SAMMSON: variants seen among roughly 807,000 people sequenced by gnomAD.
SAMMSON encodes long intergenic non-protein coding RNA 1212.
At chr3:70,216,931 C>A (rs1701417207) in intron 4 of SAMMSON, among the ~76,000 whole-genome samples, 1 of 152,138 alleles carries the variant, frequency 6.6e-6, no homozygotes, top group Admixed American at 6.6e-5. Flanking sequence ...CCCTCACCAC[C>A]AAAACCCATA....
At chr3:70,032,615 A>T (rs1290270731) in intron 3 of SAMMSON, among the ~76,000 whole-genome samples, 1 of 152,196 alleles carries the variant, frequency 6.6e-6, no homozygotes, top group Non-Finnish European at 1.5e-5. Context: ...ATATCCTTTT[A>T]TCTGTGTTCA....
intron 4 of SAMMSON, among the ~76,000 whole-genome samples, chr3:70,189,384 A>G (rs1701115215): frequency 6.6e-6 from 1 of 152,202 alleles, no homozygotes; most frequent in South Asian, 2.1e-4. Flanking sequence ...AGCCATGCAA[A>G]TGTGCTGAAA....
At chr3:70,364,729 A>G (rs1310608872) in intron 9 of SAMMSON, among the ~76,000 whole-genome samples, 1 of 151,888 alleles carries the variant, frequency 6.6e-6, no homozygotes, top group Non-Finnish European at 1.5e-5. Context: ...CTTCTTTTGC[A>G]GGACTCTGAA....
chr3:70,003,201 T>A (rs189241999), intron 1 of SAMMSON, among the ~76,000 whole-genome samples: 1 of 152,214 alleles, frequency 6.6e-6, no homozygotes, highest in East Asian at 1.9e-4. Context: ...TTACTCTTTT[T>A]AAAAATATTT....
chr3:70,033,708 A>G (rs1045591162), intron 3 of SAMMSON, among the ~76,000 whole-genome samples: 1 of 152,258 alleles, frequency 6.6e-6, no homozygotes, highest in African/African-American at 2.4e-5. Flanking sequence ...AGGGCAGGTC[A>G]GATATGAATG....
chr3:70,106,889 C>A (rs968060320), intron 4 of SAMMSON, among the ~76,000 whole-genome samples: 9 of 152,128 alleles, frequency 5.9e-5, no homozygotes, highest in Admixed American at 5.9e-4. Flanking sequence ...GTTAATGATT[C>A]ATAAAAGCCC....
At chr3:70,132,409 T>G (rs1304090011) in intron 4 of SAMMSON, among the ~76,000 whole-genome samples, 3 of 152,168 alleles carry the variant, frequency 2.0e-5, no homozygotes, top group Non-Finnish European at 4.4e-5. Flanking sequence ...ACATGCTGTG[T>G]ACATGTTAGC....
chr3:70,121,733 T>G (rs1270639418), intron 4 of SAMMSON, among the ~76,000 whole-genome samples: 1 of 152,170 alleles, frequency 6.6e-6, no homozygotes, highest in South Asian at 2.1e-4. Flanking sequence ...GTGTTTCTGG[T>G]GCTGGTGCTG....
In SAMMSON at chr3:70,039,765, CT is replaced by C. The variant is rs142762535; in HGVS notation, n.417+26095del. Among the ~76,000 whole-genome samples, 204 of 152,050 alleles carry C rather than the reference CT, an allele frequency of 1.3e-3. 3 individuals are homozygous for C. In the East Asian group the frequency reaches 0.039, roughly 29 times the overall value. On this transcript the variant is annotated intron_variant and non_coding_transcript_variant, in intron 3 of 9. Transcript: ENST00000642114. ...TCTGCAAAGCTCACAGGTACAAGCT[CT>C]TAGAAGTGGTCCCTGCAGCAACTGG...
At chr3:70,334,120 G>T (rs1291130678) in intron 7 of SAMMSON, among the ~76,000 whole-genome samples, 1 of 152,120 alleles carries the variant, frequency 6.6e-6, no homozygotes, top group Admixed American at 6.5e-5. Context: ...TTCAAAAGTG[G>T]CTTTAAGAGA....
intron 2 of SAMMSON, among the ~76,000 whole-genome samples, chr3:70,432,760 T>A (rs1038103915): frequency 6.6e-6 from 1 of 152,042 alleles, no homozygotes; most frequent in African/African-American, 2.4e-5. Flanking sequence ...ACCATTACAG[T>A]ATTATATAGA....
intron 4 of SAMMSON, among the ~76,000 whole-genome samples, chr3:70,104,770 C>G (rs945399444): frequency 1.3e-5 from 2 of 152,140 alleles, no homozygotes; most frequent in African/African-American, 2.4e-5. Flanking sequence ...GTGTGTATCT[C>G]TATGTGTGGG....
chr3:70,335,063 G>GAAA (rs67923303), intron 7 of SAMMSON, among the ~76,000 whole-genome samples: 13 of 146,634 alleles, frequency 8.9e-5, no homozygotes, highest in Admixed American at 6.1e-4. Flanking sequence ...CTGCTTTGGG[G>GAAA]AAAAAAAAAA....
chr3:70,008,605 C>A (rs576842933), intron 1 of SAMMSON, among the ~76,000 whole-genome samples: 1 of 152,192 alleles, frequency 6.6e-6, no homozygotes, highest in Non-Finnish European at 1.5e-5. Context: ...TTGACTTCCT[C>A]TTTTCCTACT....
chr3:70,018,462 C>T (rs2066996801), intron 3 of SAMMSON, among the ~76,000 whole-genome samples: 1 of 151,874 alleles, frequency 6.6e-6, no homozygotes, highest in Non-Finnish European at 1.5e-5. Flanking sequence ...CTATTTGATT[C>T]TTCTCTCTTT....
At chr3:69,999,961 C>T (rs143121188) in intron 1 of SAMMSON, 1 of 152,226 alleles carries the variant, frequency 6.6e-6, no homozygotes, top group East Asian at 1.9e-4. Flanking sequence ...CCCCCATCAC[C>T]GGAGAGCTAC....
At chr3:70,032,436 T>C (rs1388368468) in intron 3 of SAMMSON, among the ~76,000 whole-genome samples, 2 of 152,214 alleles carry the variant, frequency 1.3e-5, no homozygotes, top group African/African-American at 2.4e-5. Flanking sequence ...TTTAAACTCC[T>C]TCAGCCTAGA....
intron 7 of SAMMSON, among the ~76,000 whole-genome samples, chr3:70,342,517 G>C (rs1702718783): frequency 6.6e-6 from 1 of 152,102 alleles, no homozygotes; most frequent in Non-Finnish European, 1.5e-5. Context: ...ATTTGTCTTA[G>C]TGTCTGATTA....
chr3:70,224,824 T>G (rs1415894441), intron 4 of SAMMSON, among the ~76,000 whole-genome samples: 1 of 151,234 alleles, frequency 6.6e-6, no homozygotes, highest in East Asian at 1.9e-4. Context: ...TTTTGCAGTT[T>G]CCCCCCCCAC....
Sources: gnomAD v4.1 joint callset for allele counts (sites outside exome capture counted in the v4.1 genomes callset) on GRCh38, gnomAD v4.1.1 for gene constraint, MANE v1.5 for transcripts, NCBI Gene and HGNC (gene_info 2026-07-23, HGNC 2026-07-21) for gene names.